DNAH6: variants seen among roughly 807,000 people sequenced by gnomAD.
DNAH6 encodes dynein axonemal heavy chain 6, also known as axonemal beta dynein heavy chain 6.
In DNAH6, 340 loss-of-function variants were observed where a neutral mutation model predicts 491.4. The observed-to-expected ratio is 0.69, with a 90% CI of 0.63 to 0.76. The LOEUF (loss-of-function observed/expected upper bound fraction) is 0.76. DNAH6 is among the 30% of genes least tolerant of loss of function. The pLI is 0.00. For missense variants in DNAH6, 4,443 were observed against 4,972.2 expected, an observed-to-expected ratio of 0.89 and a Z score of 3.20; for synonymous variants, 1,603 against 1,686.1, an observed-to-expected ratio of 0.95 and a Z score of 1.21.
chr2:84,508,707 G>A, the DNAH6 span, among the ~76,000 whole-genome samples: 1 of 152,006 alleles, frequency 6.6e-6, no homozygotes, highest in Non-Finnish European at 1.5e-5. Context: ...GGCATTTAGT[G>A]CTATAAATTT....
chr2:84,623,969 A>G (rs1265798223), intron 26 of DNAH6, among the ~76,000 whole-genome samples: 1 of 152,114 alleles, frequency 6.6e-6, no homozygotes, highest in Non-Finnish European at 1.5e-5. Flanking sequence ...CCTCGAGGCA[A>G]ATGTCTACTC....
intron 40 of DNAH6, among the ~76,000 whole-genome samples, chr2:84,672,862 A>C (rs75095641): frequency 0.016 from 2,427 of 152,282 alleles, 32 homozygotes; most frequent in Non-Finnish European, 0.022. Context: ...GGACTTCAAC[A>C]TATGATTTGG....
chr2:84,763,017 T>C, intron 64 of DNAH6, 72 bp downstream of exon 64: 1 of 1,195,076 alleles, frequency 8.4e-7, no homozygotes, highest in Non-Finnish European at 1.2e-6. Flanking sequence ...TTGCCTTTGT[T>C]CTTCCCCTTG....
At chr2:84,703,993 C>G in intron 50 of DNAH6, 74 bp from the exon 51 acceptor site, 1 of 1,141,142 alleles carries the variant, frequency 8.8e-7, no homozygotes, top group Middle Eastern at 2.0e-4. Flanking sequence ...ATATGACTCA[C>G]TATTATTGGC....
intron 37 of DNAH6, among the ~76,000 whole-genome samples, chr2:84,662,409 C>G (rs560925613): frequency 6.6e-6 from 1 of 152,284 alleles, no homozygotes; most frequent in East Asian, 1.9e-4. Flanking sequence ...CACCCTAATA[C>G]TGTGCTTTTC....
At chr2:84,579,955 C>T (rs1682845783) in intron 14 of DNAH6, among the ~76,000 whole-genome samples, 1 of 152,114 alleles carries the variant, frequency 6.6e-6, no homozygotes, top group South Asian at 2.1e-4. Flanking sequence ...CCTCATTCTG[C>T]AGATAAGGAA....
At chr2:84,598,046 G>T (rs1684781451) in intron 18 of DNAH6, among the ~76,000 whole-genome samples, 1 of 152,098 alleles carries the variant, frequency 6.6e-6, no homozygotes. Context: ...TCATTTATAT[G>T]AAATGTCCAG....
In DNAH6 at chr2:84,621,161, C is replaced by T. The variant is rs536420732; in HGVS notation, c.3793-30C>T. 1.0e-5 allele frequency: 16 copies of T among 1,549,062 alleles called. No individual in the cohort carries two copies. In the East Asian group the frequency reaches 2.7e-4, roughly 26 times the overall value. On this transcript the variant is annotated intron_variant, in intron 24 of 76. Transcript: ENST00000389394. ...TACAGCTTACAAGTCCCACACAAGC[C>T]ACTTTATCAATGCTCTGATTACCTT... is the stretch of plus-strand genomic sequence containing the variant.
intron 71 of DNAH6, 101 bp downstream of exon 71, chr2:84,805,895 C>T (rs1350993850): frequency 3.7e-6 from 4 of 1,080,584 alleles, no homozygotes; most frequent in Middle Eastern, 2.2e-4. Flanking sequence ...ATTATGTAGA[C>T]TTTTTTTAAC....
At chr2:84,747,491 G>A (rs1673071639) in intron 63 of DNAH6, among the ~76,000 whole-genome samples, 1 of 152,218 alleles carries the variant, frequency 6.6e-6, no homozygotes, top group South Asian at 2.1e-4. Flanking sequence ...CCGGTGCAAA[G>A]TGTGGGCTCC....
chr2:84,819,426 C>T lies in DNAH6; in HGVS notation c.*18C>T. 2.6e-6 allele frequency: 4 copies of T among 1,516,850 alleles called. No individual in the cohort carries two copies. Among genetic ancestry groups the T allele is most frequent in the Non-Finnish European group, 3.6e-6 (4 of 1,119,400 alleles). 94.0% of individuals were successfully genotyped at this position (1,516,850 alleles called of 1,614,324 possible). ...GCGAATGAAAAGGTGCCACCTCAGC[C>T]CTGAAAAAGAACCAGGCCAGAGATC... On this transcript the variant is annotated 3_prime_UTR_variant, in exon 77 of 77. Coordinates refer to ENST00000389394, the MANE Select transcript of DNAH6 (RefSeq NM_001370.2).
intron 64 of DNAH6, among the ~76,000 whole-genome samples, chr2:84,775,778 G>C (rs952203681): frequency 6.6e-6 from 1 of 151,946 alleles, no homozygotes; most frequent in African/African-American, 2.4e-5. Flanking sequence ...ATTTCCTCTA[G>C]ACTTTTCATG....
rs1188538795 is a variant in DNAH6, at chr2:84,588,843, T to C, written c.2499T>C (p.Asp833=). The C allele has an allele frequency of 6.5e-7, 1 of 1,544,738 alleles. No homozygotes were observed. The highest frequency in any genetic ancestry group is 2.0e-5 in the Admixed American group (1 of 49,816). ...KLQAQDPQIL[D]ISADQDKIRL... ...ATTTATAGGATCCACAGATTTTAGA[T>C]ATCTCTGCTGACCAAGACAAAATAA... Residue 833 remains aspartate (D), a synonymous_variant, in exon 16 of 77, where the codon GAT becomes GAC. Transcript: ENST00000389394.
At chr2:84,539,233 T>C (rs1479147840) in intron 4 of DNAH6, among the ~76,000 whole-genome samples, 1 of 152,110 alleles carries the variant, frequency 6.6e-6, no homozygotes, top group Non-Finnish European at 1.5e-5. Flanking sequence ...GCATTTCTCT[T>C]CCCTGGTTTA....
chr2:84,515,719 G>C (rs1011067291), upstream of DNAH6, among the ~76,000 whole-genome samples: 30 of 152,204 alleles, frequency 2.0e-4, no homozygotes, highest in African/African-American at 7.0e-4. Flanking sequence ...TTCTTCCCCT[G>C]ATCAGTAACT....
Position 84,653,321 on chromosome 2 carries a change from G to A in DNAH6, c.5081G>A (p.Gly1694Glu), listed in dbSNP as rs28375417. ...FLTDDALLFS[G>E]IISDLFPGVQ... Reference sequence around the variant, plus strand: ...TGATTTTATTTTTGTTTTGACAGTGGAATCATATCTGACCTTTTTCCTGGA... The same window carrying A: ...TGATTTTATTTTTGTTTTGACAGTGAAATCATATCTGACCTTTTTCCTGGA... The change falls in exon 34 of 77, where the codon GGA becomes GAA. Residue 1694 changes from glycine to glutamate, a missense_variant and splice_region_variant. Coordinates refer to ENST00000389394, the MANE Select transcript of DNAH6 (RefSeq NM_001370.2). 6.6e-7 allele frequency: 1 copy of A among 1,506,732 alleles called. No homozygotes were observed. Among genetic ancestry groups the A allele is most frequent in the Non-Finnish European group, 8.9e-7 (1 of 1,125,706 alleles). 93.3% of individuals were successfully genotyped at this position (1,506,732 alleles called of 1,614,324 possible).
intron 41 of DNAH6, among the ~76,000 whole-genome samples, chr2:84,680,863 C>T (rs1417960574): frequency 6.6e-6 from 1 of 152,176 alleles, no homozygotes; most frequent in South Asian, 2.1e-4. Flanking sequence ...AAGAGACTTC[C>T]AAGCTCCTGA....
intron 55 of DNAH6, 131 bp downstream of exon 55, chr2:84,709,677 AAG>A: frequency 9.6e-7 from 1 of 1,040,684 alleles, no homozygotes; most frequent in Non-Finnish European, 1.4e-6. Context: ...TTAGACCTAG[AAG>A]AGAGTGTTAA....
chr2:84,596,343 G>GT (rs1684577901), intron 18 of DNAH6, among the ~76,000 whole-genome samples: 1 of 152,040 alleles, frequency 6.6e-6, no homozygotes, highest in Non-Finnish European at 1.5e-5. Flanking sequence ...TTGTTTGTTT[G>GT]TTTTTTGTTC....
Sources: gnomAD v4.1 joint callset for allele counts (sites outside exome capture counted in the v4.1 genomes callset) on GRCh38, gnomAD v4.1.1 for gene constraint, MANE v1.5 for transcripts, NCBI Gene and HGNC (gene_info 2026-07-23, HGNC 2026-07-21) for gene names.